ANO2: variants seen among roughly 807,000 people sequenced by gnomAD.
ANO2 encodes anoctamin-2.
ANO2 carries 101 observed loss-of-function variants against 124.2 expected under a neutral mutation model. The ratio of observed to expected loss-of-function variants is 0.81; its 90% confidence interval spans 0.69 to 0.96. ANO2 has a LOEUF of 0.96. Among genes scored for constraint, ANO2 ranks in the 40% least tolerant of loss-of-function variants. The pLI, the probability that ANO2 is intolerant of heterozygous loss-of-function variation, is 0.00. For synonymous variants in ANO2, 486 were observed against 482.5 expected (o/e 1.01, Z -0.09); for missense variants, 1,293 against 1,274.5 (o/e 1.01, Z -0.22).
rs527242883 is a variant in ANO2, at chr12:5,825,717, T to A, written c.892+2052A>T. 7.8e-4 allele frequency among the ~76,000 whole-genome samples: 118 copies of A among 152,196 alleles called. 1 individual carries two copies. Among genetic ancestry groups the A allele is most frequent in the Admixed American group, 1.8e-3 (28 of 15,280 alleles). ...TCAGTCTACTACTCCACAACAGAGG[T>A]AAGGAAGAGTGTACATGCAATACAG... On this transcript the variant is annotated intron_variant, in intron 7 of 24. Transcript: ENST00000682330.
chr12:5,834,466 G>A (rs1954254418), intron 4 of ANO2, among the ~76,000 whole-genome samples: 1 of 152,204 alleles, frequency 6.6e-6, no homozygotes, highest in Admixed American at 6.5e-5. Context: ...AAAGAAAGGA[G>A]GCAGCACATT....
At chr12:5,668,410 T>A (rs963867878) in intron 14 of ANO2, among the ~76,000 whole-genome samples, 3 of 152,134 alleles carry the variant, frequency 2.0e-5, no homozygotes, top group Non-Finnish European at 4.4e-5. Context: ...TTTTTTCTTA[T>A]AAACTTGTTT....
intron 20 of ANO2, among the ~76,000 whole-genome samples, chr12:5,592,958 A>T (rs1943479000): frequency 1.3e-5 from 2 of 152,180 alleles, no homozygotes. Context: ...TCCGAGAGGA[A>T]CCTGCCCTAT....
At chr12:5,690,118 G>A (rs1163259542) in intron 14 of ANO2, among the ~76,000 whole-genome samples, 1 of 152,080 alleles carries the variant, frequency 6.6e-6, no homozygotes, top group Non-Finnish European at 1.5e-5. Flanking sequence ...CAGTTGACTG[G>A]CTGGAGTTAA....
At chr12:5,736,848 T>A (rs1229631891) in intron 13 of ANO2, among the ~76,000 whole-genome samples, 2 of 152,194 alleles carry the variant, frequency 1.3e-5, no homozygotes, top group Admixed American at 1.3e-4. Flanking sequence ...CTGCTGTTTC[T>A]TTCTCGTGGG....
In ANO2 at chr12:5,570,069, G is replaced by C. The variant is rs541340376; in HGVS notation, c.2622-4406C>G. ...ATTTGAACAGACTCATATAATAAAT[G>C]AAAGTGATACAGAAATCAACATTAT... On this transcript the variant is annotated intron_variant, in intron 23 of 24. Transcript: ENST00000682330. 3.9e-5 allele frequency among the ~76,000 whole-genome samples: 6 copies of C among 152,246 alleles called. No homozygotes were observed. In the East Asian group the frequency reaches 7.7e-4, roughly 20 times the overall value.
intron 23 of ANO2, among the ~76,000 whole-genome samples, chr12:5,573,359 C>A (rs1213698576): frequency 6.6e-6 from 1 of 152,146 alleles, no homozygotes; most frequent in Non-Finnish European, 1.5e-5. Context: ...GCTTCTAGAG[C>A]AACTAAAGAA....
chr12:5,583,462 G>T (rs558849257), intron 20 of ANO2, among the ~76,000 whole-genome samples: 1 of 151,730 alleles, frequency 6.6e-6, no homozygotes, highest in Non-Finnish European at 1.5e-5. Flanking sequence ...GACCATCTTG[G>T]CTAACACGGT....
intron 5 of ANO2, among the ~76,000 whole-genome samples, chr12:5,830,884 T>C (rs1331014434): frequency 6.6e-6 from 1 of 152,072 alleles, no homozygotes; most frequent in Non-Finnish European, 1.5e-5. Context: ...GATGATAAGG[T>C]TCCAAATGGA....
intron 16 of ANO2, among the ~76,000 whole-genome samples, chr12:5,627,604 A>C (rs1591769015): frequency 6.6e-6 from 1 of 152,212 alleles, no homozygotes; most frequent in East Asian, 1.9e-4. Context: ...CACTGTCCAC[A>C]TTTAGAAGAT....
At chr12:5,586,495 A>T (rs1943115435) in intron 20 of ANO2, among the ~76,000 whole-genome samples, 1 of 152,204 alleles carries the variant, frequency 6.6e-6, no homozygotes, top group South Asian at 2.1e-4. Flanking sequence ...GTGACAGAAT[A>T]TGTGGGCCTC....
chr12:5,648,201 AGAACCATGT>A lies in ANO2; in HGVS notation c.1546-409_1546-401del, dbSNP rs1946741582. On this transcript the variant is annotated intron_variant, in intron 14 of 24. Coordinates refer to ENST00000682330, the MANE Select transcript of ANO2 (RefSeq NM_001364791.2). ...CAGTTTTCTTTGTTTTGTTTGAGTG[AGAACCATGT>A]GAATATAGTAAAGCAGTGGACAAAT... 2.0e-5 allele frequency among the ~76,000 whole-genome samples: 3 copies of A among 152,164 alleles called. No homozygotes were observed. The South Asian group carries it at 6.2e-4, about 32-fold the overall frequency.
intron 22 of ANO2, among the ~76,000 whole-genome samples, chr12:5,576,897 G>C (rs1942443968): frequency 6.6e-6 from 1 of 152,134 alleles, no homozygotes; most frequent in Non-Finnish European, 1.5e-5. Flanking sequence ...CAACTTACTG[G>C]GCACTTGTTA....
chr12:5,735,090 G>A (rs889371533), intron 13 of ANO2, among the ~76,000 whole-genome samples: 2 of 152,196 alleles, frequency 1.3e-5, no homozygotes, highest in Non-Finnish European at 2.9e-5. Context: ...AAGCAAGTGG[G>A]GTGAGGTTAT....
At position 5,732,535 on chromosome 12, in the gene ANO2, C is replaced by T. The variant is rs766273034; in HGVS notation, c.1530G>A (p.Thr510=). 2.7e-5 allele frequency: 43 copies of T among 1,613,028 alleles called. No homozygotes were observed. Among genetic ancestry groups the T allele is most frequent in the South Asian group, 1.5e-4 (14 of 90,876 alleles). ...SAVQKLETNT[T]ECGDEDDEDK... ...AGCTTCATACCTCATCGCCACACTC[C>T]GTCGTGTTTGTTTCCAATTTCTGGA... Residue 510 remains threonine (T), a synonymous_variant, in exon 14 of 25, where the codon ACG becomes ACA. Coordinates refer to ENST00000682330, the MANE Select transcript of ANO2 (RefSeq NM_001364791.2).
At position 5,565,632 on chromosome 12, in the gene ANO2, G is replaced by A. The variant is rs1308614980; in HGVS notation, c.2653C>T (p.Pro885Ser). The A allele has an allele frequency of 1.2e-6, 2 of 1,604,596 alleles. No homozygotes were observed. The highest frequency in any genetic ancestry group is 1.7e-6 in the Non-Finnish European group (2 of 1,175,372). Residue 885 changes from proline (P) to serine (S), a missense_variant, in exon 24 of 25, where the codon CCG becomes TCG. Transcript: ENST00000682330. ...FKDYREPPWA[P>S]NPYEFSKQYW... Reference sequence around the variant, plus strand: ...TGTTTCGAAAACTCATAAGGGTTCGGGGCCCATGGCGGCTCTCGGTAATCC... The same window carrying A: ...TGTTTCGAAAACTCATAAGGGTTCGAGGCCCATGGCGGCTCTCGGTAATCC...
chr12:5,776,972 T>G (rs749862209), intron 10 of ANO2, among the ~76,000 whole-genome samples: 20 of 152,208 alleles, frequency 1.3e-4, no homozygotes, highest in Non-Finnish European at 2.8e-4. Flanking sequence ...CTTCTAGATC[T>G]TAGGGAAGGG....
chr12:5,615,827 G>C (rs565375311), intron 16 of ANO2, among the ~76,000 whole-genome samples: 22 of 152,248 alleles, frequency 1.4e-4, no homozygotes, highest in African/African-American at 5.1e-4. Flanking sequence ...ATGCAGGAAA[G>C]CATTCATCTG....
At position 5,925,204 on chromosome 12, in the gene ANO2, T is replaced by C. The variant is rs1264999759; in HGVS notation, c.23-2400A>G. Among the ~76,000 whole-genome samples the C allele has an allele frequency of 1.3e-5, 2 of 152,158 alleles. No individual in the cohort carries two copies. The highest frequency in any genetic ancestry group is 2.9e-5 in the Non-Finnish European group (2 of 68,030). ...GGGCCACCCTACCCTGGCAGCTACA[T>C]TCAGATTTGCACCTGTGGCTCAGAG... On this transcript the variant is annotated intron_variant, in intron 1 of 24. Transcript: ENST00000682330. The surrounding 1 kb of genome is among the most constrained non-coding windows in gnomAD (Gnocchi z 4.6).
Sources: allele counts gnomAD v4.1 joint callset (sites outside exome capture counted in the v4.1 genomes callset), GRCh38; gene constraint gnomAD v4.1.1; non-coding constraint Gnocchi (gnomAD v3.1); transcripts MANE v1.5; gene names NCBI Gene and HGNC (gene_info 2026-07-23, HGNC 2026-07-21).